Variants in GPR155 observed in about 807,000 individuals in gnomAD.
GPR155 encodes lysosomal cholesterol signaling protein.
Under a neutral mutation model 93.1 loss-of-function variants are expected in GPR155, and 65 were observed. The observed-to-expected ratio is 0.70, with a 90% CI of 0.57 to 0.86. The LOEUF is 0.86. GPR155 is among the 40% of genes least tolerant of loss of function. The pLI, the probability that GPR155 is intolerant of heterozygous loss-of-function variation, is 0.00. For synonymous variants in GPR155, 319 were observed against 360.1 expected, an observed-to-expected ratio of 0.89 and a Z score of 1.29; for missense variants, 838 against 1,034.8, an observed-to-expected ratio of 0.81 and a Z score of 2.61.
chr2:174,479,050 T>C (rs548172881), intron 2 of GPR155, among the ~76,000 whole-genome samples: 1 of 152,298 alleles, frequency 6.6e-6, no homozygotes, highest in East Asian at 1.9e-4. Context: ...GAGCTTTTGT[T>C]ATTGTGATTT....
rs112500347 is a variant in GPR155, at chr2:174,484,069, G to A, written c.-31-2082C>T. Among the ~76,000 whole-genome samples, 952 of 152,316 alleles carry A rather than the reference G, an allele frequency of 6.3e-3. 5 individuals are homozygous for A. Among genetic ancestry groups the A allele is most frequent in the Middle Eastern group, 0.017 (5 of 294 alleles). On this transcript the variant is annotated intron_variant, in intron 1 of 15. Transcript: ENST00000392552. ...AGATCACCAACAACTGATAGCTGGC[G>A]TGGGTACAAGGGAATTTTCTCTGTG...
At chr2:174,472,550 C>T (rs1337499495) in intron 3 of GPR155, among the ~76,000 whole-genome samples, 1 of 152,172 alleles carries the variant, frequency 6.6e-6, no homozygotes, top group South Asian at 2.1e-4. Flanking sequence ...CTACAAAATA[C>T]TTTTCCCAAA....
At position 174,434,254 on chromosome 2, in the gene GPR155, A is replaced by T. The variant is rs1686711902; in HGVS notation, c.*1862T>A. ...CCAAAGTGCTGGGATTACAGGTATG[A>T]GTCACCATGCCCAGCCTAGGTTTAG... On this transcript the variant is annotated 3_prime_UTR_variant, in exon 16 of 16. Coordinates refer to ENST00000392552, the MANE Select transcript of GPR155 (RefSeq NM_152529.7). 1 of 150,996 alleles carries T rather than the reference A, an allele frequency of 6.6e-6. No homozygotes were observed. The highest frequency in any genetic ancestry group is 1.5e-5 in the Non-Finnish European group (1 of 67,888). 9.4% of individuals were successfully genotyped at this position (150,996 alleles called of 1,614,324 possible). A position where few individuals can be genotyped will look rare whatever the true frequency, so the allele number is the denominator to read the frequency against.
At chr2:174,454,827 GA>G (rs1574710932) in intron 10 of GPR155, among the ~76,000 whole-genome samples, 501 of 148,702 alleles carry the variant, frequency 3.4e-3, no homozygotes, top group African/African-American at 6.0e-3. Context: ...GGAAAGGAAG[GA>G]AAAGAAAGGA....
At chr2:174,456,201 G>A (rs998535416) in intron 10 of GPR155, among the ~76,000 whole-genome samples, 21 of 152,158 alleles carry the variant, frequency 1.4e-4, no homozygotes, top group African/African-American at 5.1e-4. Flanking sequence ...TGTATAAAGG[G>A]GTCAGGTTAG....
intron 2 of GPR155, among the ~76,000 whole-genome samples, chr2:174,475,050 C>T (rs1156455266): frequency 6.6e-6 from 1 of 151,792 alleles, no homozygotes; most frequent in East Asian, 1.9e-4. Flanking sequence ...AATCCCAGCA[C>T]TTTGGGAGGC....
At position 174,438,515 on chromosome 2, in the gene GPR155, T is replaced by C. The variant is rs1686857520; in HGVS notation, c.2312+1383A>G. On this transcript the variant is annotated intron_variant, in intron 15 of 15. Coordinates refer to ENST00000392552, the MANE Select transcript of GPR155 (RefSeq NM_152529.7). The stretch of plus-strand genomic sequence containing the variant: ...GCAGGGTTATTTTGTGGGTTTTTGT[T>C]TGTTTGTTTTTGAGACAGAGTCTTG... Among the ~76,000 whole-genome samples the C allele has an allele frequency of 3.9e-5, 6 of 152,274 alleles. No homozygotes were observed. In the South Asian group the frequency reaches 1.2e-3, roughly 32 times the overall value.
chr2:174,473,437 T>A, intron 2 of GPR155, 73 bp from the exon 3 acceptor site: 4 of 1,002,658 alleles, frequency 4.0e-6, no homozygotes, highest in Non-Finnish European at 5.9e-6. Flanking sequence ...TATAACATTT[T>A]CTGTACTTTA....
rs1170093912 is a variant in GPR155 at position 174,434,127 on chromosome 2, ATT to A, written c.*1987_*1988del. ...AGGTGCACACCACCACACCTGGCTA[ATT>A]TTTTTTTTTTTTTTTTTTTTTAGTA... On this transcript the variant is annotated 3_prime_UTR_variant, in exon 16 of 16. Transcript: ENST00000392552. 21 of 122,526 alleles carry A rather than the reference ATT, an allele frequency of 1.7e-4. No individual in the cohort carries two copies. The highest frequency in any genetic ancestry group is 2.5e-4 in the Admixed American group (3 of 12,178). The allele number at this position is 122,526 out of a possible 1,614,324, so 7.6% of individuals were successfully genotyped here.
intron 15 of GPR155, among the ~76,000 whole-genome samples, chr2:174,438,588 A>G (rs1480242108): frequency 6.6e-6 from 1 of 151,930 alleles, no homozygotes; most frequent in Non-Finnish European, 1.5e-5. Flanking sequence ...GCTCATTGCA[A>G]CCTCCACCTC....
At chr2:174,440,136 G>A (rs988405138) in intron 14 of GPR155, 101 bp from the exon 15 acceptor site, 23 of 884,898 alleles carry the variant, frequency 2.6e-5, no homozygotes, top group Middle Eastern at 2.3e-4. Flanking sequence ...CAAAGCTGTC[G>A]ATCACCAAAG....
chr2:174,465,704 T>C (rs1451805096), intron 7 of GPR155, 81 bp downstream of exon 7: 6 of 717,880 alleles, frequency 8.4e-6, no homozygotes, highest in Non-Finnish European at 1.5e-5. Flanking sequence ...AGACTTCAAA[T>C]AGATCACTAG....
intron 13 of GPR155, among the ~76,000 whole-genome samples, chr2:174,442,879 C>A (rs1054247634): frequency 2.8e-4 from 42 of 152,168 alleles, no homozygotes; most frequent in African/African-American, 9.9e-4. Context: ...ACCACCTCCC[C>A]AAGAGGAAAA....
At chr2:174,446,544 C>A in intron 12 of GPR155, 67 bp downstream of exon 12, 1 of 1,491,316 alleles carries the variant, frequency 6.7e-7, no homozygotes, top group Non-Finnish European at 9.2e-7. Flanking sequence ...TTCCCGGATG[C>A]CTGAATAAAA....
At chr2:174,447,225 T>C (rs1443275726) in intron 11 of GPR155, among the ~76,000 whole-genome samples, 3 of 151,180 alleles carry the variant, frequency 2.0e-5, no homozygotes, top group Non-Finnish European at 4.4e-5. Flanking sequence ...TAATTCCAGC[T>C]ACTTGGAAGG....
Position 174,434,997 on chromosome 2 carries a change from C to A in GPR155, c.*1119G>T, listed in dbSNP as rs553877559. On this transcript the variant is annotated 3_prime_UTR_variant, in exon 16 of 16. Transcript: ENST00000392552. ...AAGAAAAAGAACCTCTTATTAGAATCATTAAAATTCTTTTTCAAGAGATGC... is the reference window on the plus strand; with the variant it reads ...AAGAAAAAGAACCTCTTATTAGAATAATTAAAATTCTTTTTCAAGAGATGC... 2 of 152,130 alleles carry A rather than the reference C, an allele frequency of 1.3e-5. No homozygotes were observed. The highest frequency in any genetic ancestry group is 2.1e-4 in the South Asian group (1 of 4,816). The allele number at this position is 152,130 out of a possible 1,614,324, so 9.4% of individuals were successfully genotyped here.
Position 174,437,118 on chromosome 2 carries a change from T to G in GPR155, c.2313-702A>C, listed in dbSNP as rs565078283. Among the ~76,000 whole-genome samples, 197 of 152,342 alleles carry G rather than the reference T, an allele frequency of 1.3e-3. 1 individual carries two copies. The Middle Eastern group carries it at 0.014, about 11-fold the overall frequency. Reference sequence around the variant, plus strand: ...ATCTTCCTGATGCAAATATGGGATGTCTTAAGTATGTACAAATAAACAAAG... The same window carrying G: ...ATCTTCCTGATGCAAATATGGGATGGCTTAAGTATGTACAAATAAACAAAG... On this transcript the variant is annotated intron_variant, in intron 15 of 15. Transcript: ENST00000392552.
intron 2 of GPR155, 57 bp downstream of exon 2, chr2:174,481,440 G>A (rs1688315786): frequency 2.9e-6 from 3 of 1,051,172 alleles, no homozygotes; most frequent in South Asian, 1.6e-5. Context: ...ACTAACAAAT[G>A]CCTAAATAAA....
At chr2:174,469,843 T>C (rs1687941395) in intron 4 of GPR155, among the ~76,000 whole-genome samples, 1 of 152,228 alleles carries the variant, frequency 6.6e-6, no homozygotes, top group Non-Finnish European at 1.5e-5. Context: ...CTATTTCTTA[T>C]AATGAGATAG....
Sources: allele counts gnomAD v4.1 joint callset (sites outside exome capture counted in the v4.1 genomes callset), GRCh38; gene constraint gnomAD v4.1.1; transcripts MANE v1.5; gene names NCBI Gene and HGNC (gene_info 2026-07-23, HGNC 2026-07-21).